Variants in DLGAP2 observed in about 807,000 individuals in gnomAD.
DLGAP2 encodes the protein disks large-associated protein 2.
In DLGAP2, 26 loss-of-function variants were observed where a neutral mutation model predicts 100.3. That is an observed-to-expected ratio of 0.26 (90% CI 0.19 to 0.36). DLGAP2 has a LOEUF of 0.36. Ranked by LOEUF, DLGAP2 falls within the 10% of genes least tolerant of loss-of-function variation. The pLI, the probability that DLGAP2 is intolerant of heterozygous loss-of-function variation, is 1.00. For synonymous variants in DLGAP2, 886 were observed against 630.1 expected, an observed-to-expected ratio of 1.41 and a Z score of -6.08; for missense variants, 1,858 against 1,453.2, an observed-to-expected ratio of 1.28 and a Z score of -4.53.
intron 3 of DLGAP2, among the ~76,000 whole-genome samples, chr8:1,463,555 G>A (rs1355881286): frequency 2.6e-5 from 4 of 152,238 alleles, no homozygotes; most frequent in African/African-American, 4.8e-5. Flanking sequence ...GGGTGGCCCC[G>A]AGCTGGTCCG....
intron 2 of DLGAP2, among the ~76,000 whole-genome samples, chr8:959,283 G>A (rs970857542): frequency 6.6e-6 from 1 of 152,192 alleles, no homozygotes; most frequent in African/African-American, 2.4e-5. Flanking sequence ...ATGTTTTGGG[G>A]AAGGAGGTCT....
rs1038613181 is a variant in DLGAP2 at position 1,632,850 on chromosome 8, G to C, written c.1614G>C (p.Gly538=). 4.3e-6 allele frequency: 7 copies of C among 1,612,388 alleles called. No individual in the cohort carries two copies. Among genetic ancestry groups the C allele is most frequent in the Non-Finnish European group, 5.9e-6 (7 of 1,178,928 alleles). ...VSQVSEAEIN[G]QFESVCESVF... Reference sequence around the variant, plus strand: ...AGGTGAGCGAGGCGGAGATCAATGGGCAATTCGAGTCCGTGTGCGAGTCCG... The same window carrying C: ...AGGTGAGCGAGGCGGAGATCAATGGCCAATTCGAGTCCGTGTGCGAGTCCG... Residue 538 remains glycine, a synonymous_variant, in exon 8 of 15, where the codon GGG becomes GGC. Transcript: ENST00000637795.
rs181986204 is a variant in DLGAP2 at position 1,382,871 on chromosome 8, C to G, written c.107-118495C>G. On this transcript the variant is annotated intron_variant, in intron 3 of 14. Transcript: ENST00000637795. Reference sequence around the variant, plus strand: ...TTAGTATATCCCCCCCAAAAAAGTTCTATAGCCAATTAAAATTATGGAAGG... The same window carrying G: ...TTAGTATATCCCCCCCAAAAAAGTTGTATAGCCAATTAAAATTATGGAAGG... 3.2e-4 allele frequency among the ~76,000 whole-genome samples: 48 copies of G among 152,258 alleles called. No homozygotes were observed. The East Asian group carries it at 5.2e-3, about 16-fold the overall frequency.
chr8:1,047,832 A>T (rs1393223585), intron 2 of DLGAP2, among the ~76,000 whole-genome samples: 2 of 152,056 alleles, frequency 1.3e-5, no homozygotes, highest in African/African-American at 2.4e-5. Flanking sequence ...CATCATATGG[A>T]TTTTGAGGGG....
intron 1 of DLGAP2, among the ~76,000 whole-genome samples, chr8:856,134 T>A (rs946512692): frequency 6.6e-6 from 1 of 151,102 alleles, no homozygotes; most frequent in Non-Finnish European, 1.5e-5. Context: ...GACATGATTA[T>A]TTATGTAGAA....
chr8:796,960 C>T (rs903300512), intron 1 of DLGAP2, among the ~76,000 whole-genome samples: 1 of 152,224 alleles, frequency 6.6e-6, no homozygotes, highest in South Asian at 2.1e-4. Flanking sequence ...GATCAAACGA[C>T]AAGCCTTCCC....
At chr8:1,219,693 C>A (rs183891799) in intron 2 of DLGAP2, among the ~76,000 whole-genome samples, 2 of 152,018 alleles carry the variant, frequency 1.3e-5, no homozygotes, top group Non-Finnish European at 2.9e-5. Flanking sequence ...GGTTTTGTAC[C>A]AGCTCTTTCT....
intron 2 of DLGAP2, among the ~76,000 whole-genome samples, chr8:1,224,615 A>G (rs919836742): frequency 4.6e-5 from 7 of 152,370 alleles, no homozygotes; most frequent in African/African-American, 1.7e-4. Context: ...TTATTAACTC[A>G]TAAGGAGAAA....
In DLGAP2 at chr8:1,631,760, A is replaced by G. The variant is rs77524552; in HGVS notation, c.1591-1067A>G. ...CATGCTGAGTTAGGCTCACGAGGAAAGAGGCCGTCCTTCCAGCACGTAGGT... is the reference window on the plus strand; with the variant it reads ...CATGCTGAGTTAGGCTCACGAGGAAGGAGGCCGTCCTTCCAGCACGTAGGT... On this transcript the variant is annotated intron_variant, in intron 7 of 14. Coordinates refer to ENST00000637795, the MANE Select transcript of DLGAP2 (RefSeq NM_001346810.2). 9.1e-3 allele frequency among the ~76,000 whole-genome samples: 1,381 copies of G among 152,330 alleles called. 20 individuals carry two copies. The highest frequency in any genetic ancestry group is 0.032 in the African/African-American group (1,313 of 41,578).
chr8:1,319,467 G>A (rs1031886719), intron 3 of DLGAP2, among the ~76,000 whole-genome samples: 9 of 152,178 alleles, frequency 5.9e-5, no homozygotes, highest in South Asian at 2.1e-4. Flanking sequence ...CTGCACCCTC[G>A]GAGAGATTGG....
intron 2 of DLGAP2, among the ~76,000 whole-genome samples, chr8:1,233,842 C>T (rs1399609565): frequency 1.3e-5 from 2 of 151,956 alleles, no homozygotes; most frequent in Admixed American, 1.3e-4. Flanking sequence ...TTATTTTAAT[C>T]CGTAAGCTAA....
chr8:866,592 C>T (rs1276860716), intron 1 of DLGAP2, among the ~76,000 whole-genome samples: 1 of 152,152 alleles, frequency 6.6e-6, no homozygotes, highest in Non-Finnish European at 1.5e-5. Flanking sequence ...GGTCGTGTCT[C>T]TGTGGGGCTG....
chr8:1,663,211 CGT>C (rs1381659481), intron 8 of DLGAP2, among the ~76,000 whole-genome samples: 1 of 144,700 alleles, frequency 6.9e-6, no homozygotes, highest in Non-Finnish European at 1.5e-5. Flanking sequence ...TGTGTGTACA[CGT>C]GTGAGTGTGG....
chr8:1,345,539 G>T (rs1476281290), intron 3 of DLGAP2, among the ~76,000 whole-genome samples: 1 of 152,210 alleles, frequency 6.6e-6, no homozygotes, highest in African/African-American at 2.4e-5. Flanking sequence ...ATTTTAATCT[G>T]ATAAGCCATC....
At chr8:862,035 A>G (rs1354898154) in intron 1 of DLGAP2, among the ~76,000 whole-genome samples, 1 of 152,222 alleles carries the variant, frequency 6.6e-6, no homozygotes, top group Middle Eastern at 3.2e-3. Context: ...AACCTTCTGC[A>G]TCAGTGTTTC....
At chr8:794,801 C>A (rs1563436958) in intron 1 of DLGAP2, among the ~76,000 whole-genome samples, 1 of 152,260 alleles carries the variant, frequency 6.6e-6, no homozygotes, top group Admixed American at 6.5e-5. Flanking sequence ...AACGGTGTTT[C>A]TAGCTGCAGG....
intron 3 of DLGAP2, among the ~76,000 whole-genome samples, chr8:1,438,493 C>A (rs562302599): frequency 7.2e-5 from 11 of 151,814 alleles, no homozygotes; most frequent in African/African-American, 2.7e-4. Flanking sequence ...TAAAAAAAAA[C>A]CACCATACGT....
intron 3 of DLGAP2, chr8:1,302,137 G>A (rs190999131): frequency 6.6e-6 from 1 of 152,646 alleles, no homozygotes; most frequent in East Asian, 1.9e-4. Flanking sequence ...CTCCATACCT[G>A]GGACGGGACT....
At chr8:1,478,639 C>G (rs899405091) in intron 3 of DLGAP2, among the ~76,000 whole-genome samples, 1 of 152,042 alleles carries the variant, frequency 6.6e-6, no homozygotes, top group African/African-American at 2.4e-5. Flanking sequence ...CCTCCTTTCT[C>G]TATTCCTCTC....
Sources: gnomAD v4.1 joint callset for allele counts (sites outside exome capture counted in the v4.1 genomes callset) on GRCh38, gnomAD v4.1.1 for gene constraint, MANE v1.5 for transcripts, NCBI Gene and HGNC (gene_info 2026-07-23, HGNC 2026-07-21) for gene names.